PRMT8: variants seen among roughly 807,000 people sequenced by gnomAD.
The protein encoded by PRMT8 is protein arginine methyltransferase 8, also known as protein arginine N-methyltransferase 8.
PRMT8 carries 7 observed loss-of-function variants against 47.1 expected under a neutral mutation model. The observed-to-expected ratio is 0.15, with a 90% CI of 0.08 to 0.28. The LOEUF is 0.28. Among genes scored for constraint, PRMT8 ranks in the 10% least tolerant of loss-of-function variants. The pLI, the probability that PRMT8 is intolerant of heterozygous loss-of-function variation, is 1.00. For missense variants in PRMT8, 237 were observed against 505.4 expected (o/e 0.47, Z 5.09); for synonymous variants, 188 against 186.5 (o/e 1.01, Z -0.07).
chr12:3,583,335 A>G lies in PRMT8; in HGVS notation c.979+127A>G. 9.6e-7 allele frequency: 1 copy of G among 1,044,464 alleles called. No individual in the cohort carries two copies. Among genetic ancestry groups the G allele is most frequent in the East Asian group, 2.6e-5 (1 of 37,870 alleles). The allele number at this position is 1,044,464 out of a possible 1,614,324, so 64.7% of individuals were successfully genotyped here. A position where few individuals can be genotyped will look rare whatever the true frequency, so the allele number is the denominator to read the frequency against. ...GGTGTTAGCTGGGTGACACCTATCA[A>G]CCCTCTCCAGCCATGGAGGAACCAT... On this transcript the variant is annotated intron_variant, in intron 8 of 9. Coordinates refer to ENST00000382622, the MANE Select transcript of PRMT8 (RefSeq NM_019854.5). This position sits in a 1 kb window ranked among gnomAD's most constrained non-coding sequence, Gnocchi z 4.7.
intron 1 of PRMT8, among the ~76,000 whole-genome samples, chr12:3,442,126 A>T (rs2137074610): frequency 6.6e-6 from 1 of 152,354 alleles, no homozygotes; most frequent in South Asian, 2.1e-4. Context: ...GTGAAAACGG[A>T]TTGGGCAACT....
In PRMT8 at chr12:3,583,035, A is replaced by G; in HGVS notation, c.829-23A>G. Reference sequence around the variant, plus strand: ...TTGGTGGAGGCGATAAGTTCCCGGCATTCTCTCTTCTCTGGGCTGCAGGAG... The same window carrying G: ...TTGGTGGAGGCGATAAGTTCCCGGCGTTCTCTCTTCTCTGGGCTGCAGGAG... On this transcript the variant is annotated intron_variant, in intron 7 of 9. Coordinates refer to ENST00000382622, the MANE Select transcript of PRMT8 (RefSeq NM_019854.5). The surrounding 1 kb of genome is among the most constrained non-coding windows in gnomAD (Gnocchi z 4.7). 1 of 1,607,118 alleles carries G rather than the reference A, an allele frequency of 6.2e-7. No homozygotes were observed. The highest frequency in any genetic ancestry group is 8.5e-7 in the Non-Finnish European group (1 of 1,176,056).
At chr12:3,461,536 A>C (rs1485098704) in intron 1 of PRMT8, among the ~76,000 whole-genome samples, 1 of 152,196 alleles carries the variant, frequency 6.6e-6, no homozygotes, top group Non-Finnish European at 1.5e-5. Flanking sequence ...GCCACTTGCC[A>C]CTTGTCTGCC....
At position 3,557,478 on chromosome 12, in the gene PRMT8, T is replaced by C. The variant is rs1369333752; in HGVS notation, c.481+3764T>C. ...CGATCCTGAGGCCCAAGTAGGGGGA[T>C]GCTGCTCAGACCCCTTGGCCTCTGG... On this transcript the variant is annotated intron_variant, in intron 4 of 9. Transcript: ENST00000382622. The surrounding 1 kb of genome is among the most constrained non-coding windows in gnomAD (Gnocchi z 4.7). 6.6e-6 allele frequency among the ~76,000 whole-genome samples: 1 copy of C among 152,178 alleles called. No homozygotes were observed. Among genetic ancestry groups the C allele is most frequent in the East Asian group, 1.9e-4 (1 of 5,184 alleles).
At chr12:3,497,970 C>A (rs748627204) in intron 1 of PRMT8, among the ~76,000 whole-genome samples, 29 of 152,146 alleles carry the variant, frequency 1.9e-4, no homozygotes, top group Non-Finnish European at 4.0e-4. Context: ...CTCTTTATAC[C>A]TCCTTTAAAC....
intron 1 of PRMT8, among the ~76,000 whole-genome samples, chr12:3,524,184 T>C (rs1175706501): frequency 6.6e-6 from 1 of 152,196 alleles, no homozygotes; most frequent in Non-Finnish European, 1.5e-5. Flanking sequence ...ACATTTATGG[T>C]AACTCAATAG....
intron 1 of PRMT8, among the ~76,000 whole-genome samples, chr12:3,404,439 G>T (rs533924840): frequency 6.6e-6 from 1 of 151,970 alleles, no homozygotes; most frequent in Admixed American, 6.6e-5. Flanking sequence ...ATGAGTTATC[G>T]CTAAGTGAAC....
chr12:3,418,458 A>G (rs1002471308), intron 1 of PRMT8, among the ~76,000 whole-genome samples: 3 of 152,144 alleles, frequency 2.0e-5, no homozygotes, highest in African/African-American at 7.2e-5. Flanking sequence ...TCTGCTCCAC[A>G]TGGGTGACAG....
At chr12:3,383,676 G>C (rs2137041920) in intron 1 of PRMT8, among the ~76,000 whole-genome samples, 1 of 152,332 alleles carries the variant, frequency 6.6e-6, no homozygotes, top group Non-Finnish European at 1.5e-5. Context: ...GAACTTCCCA[G>C]TCTCCAGAAC....
In PRMT8 at chr12:3,533,687, G is replaced by GAC. The variant is rs556597679; in HGVS notation, c.76-6917_76-6916dup. On this transcript the variant is annotated intron_variant, in intron 1 of 9. Coordinates refer to ENST00000382622, the MANE Select transcript of PRMT8 (RefSeq NM_019854.5). The stretch of plus-strand genomic sequence containing the variant: ...CTTCATCTGCCAGCCCCGATGATAA[G>GAC]ACAGGGGTGCAGGAGAGTAGAGAGA... Among the ~76,000 whole-genome samples, 142 of 152,338 alleles carry GAC rather than the reference G, an allele frequency of 9.3e-4. 2 individuals are homozygous for GAC. Among genetic ancestry groups the GAC allele is most frequent in the African/African-American group, 2.8e-3 (115 of 41,582 alleles).
At chr12:3,481,394 C>T (rs536710973) in intron 1 of PRMT8, among the ~76,000 whole-genome samples, 100 of 152,288 alleles carry the variant, frequency 6.6e-4, no homozygotes, top group African/African-American at 2.3e-3. Flanking sequence ...TGCACTCCAC[C>T]CTGACACTGG....
In PRMT8 at chr12:3,419,517, C is replaced by T. The variant is rs1035035396; in HGVS notation, c.48+38075C>T. Among the ~76,000 whole-genome samples the T allele has an allele frequency of 3.4e-4, 52 of 152,164 alleles. 1 individual carries two copies. Among genetic ancestry groups the T allele is most frequent in the East Asian group, 1.9e-4 (1 of 5,184 alleles). ...ACTGCTGAGCTCCCAGCTTCCCAAG[C>T]GGCTTGACTTCTCCCCTTTGCCCCC... On this transcript the variant is annotated intron_variant, in intron 1 of 9. Coordinates refer to the PRMT8 transcript ENST00000452611.
In PRMT8 at chr12:3,535,433, T is replaced by G. The variant is rs11062710; in HGVS notation, c.76-5173T>G. 0.078 allele frequency among the ~76,000 whole-genome samples: 11,851 copies of G among 152,146 alleles called. 629 individuals carry two copies. Among genetic ancestry groups the G allele is most frequent in the Non-Finnish European group, 0.12 (7,956 of 67,996 alleles). On this transcript the variant is annotated intron_variant, in intron 1 of 9. Coordinates refer to ENST00000382622, the MANE Select transcript of PRMT8 (RefSeq NM_019854.5). This position sits in a 1 kb window ranked among gnomAD's most constrained non-coding sequence, Gnocchi z 4.7. ...GTGAGTCGAAGGCAAATCACAAGTATTGACAGTGGAGGGTGATTCTCACCA... is the reference window on the plus strand; with the variant it reads ...GTGAGTCGAAGGCAAATCACAAGTAGTGACAGTGGAGGGTGATTCTCACCA...
At chr12:3,458,398 G>A (rs759100114) in intron 1 of PRMT8, among the ~76,000 whole-genome samples, 2 of 152,144 alleles carry the variant, frequency 1.3e-5, no homozygotes, top group Non-Finnish European at 2.9e-5. Context: ...TGGGCCCCAG[G>A]GCTCCTCACT....
Position 3,540,896 on chromosome 12 carries a change from G to A in PRMT8, c.261+105G>A, listed in dbSNP as rs780363976. 4 of 1,294,824 alleles carry A rather than the reference G, an allele frequency of 3.1e-6. No individual in the cohort carries two copies. The African/African-American group carries it at 4.4e-5, about 14-fold the overall frequency. The allele number at this position is 1,294,824 out of a possible 1,614,324, so 80.2% of individuals were successfully genotyped here. On this transcript the variant is annotated intron_variant, in intron 2 of 9. Coordinates refer to ENST00000382622, the MANE Select transcript of PRMT8 (RefSeq NM_019854.5). ...TCAACTCCTTACCATGGTAAAGGGA[G>A]TGCTCCCAGTGTTCCTGAGTCCTCT...
At chr12:3,584,015 G>A (rs1022101811) in intron 8 of PRMT8, among the ~76,000 whole-genome samples, 1 of 152,220 alleles carries the variant, frequency 6.6e-6, no homozygotes, top group Non-Finnish European at 1.5e-5. Context: ...CTTAGTCAGA[G>A]GCTCTCATCA....
intron 6 of PRMT8, among the ~76,000 whole-genome samples, chr12:3,575,341 T>G (rs1387693725): frequency 6.6e-6 from 1 of 152,254 alleles, no homozygotes; most frequent in Non-Finnish European, 1.5e-5. Flanking sequence ...AAATAAAATT[T>G]AATCCTGTAA....
At chr12:3,577,285 G>C (rs2137219653) in intron 7 of PRMT8, among the ~76,000 whole-genome samples, 1 of 152,354 alleles carries the variant, frequency 6.6e-6, no homozygotes, top group South Asian at 2.1e-4. Context: ...AGGACACCTG[G>C]AAGAGGAGAG....
chr12:3,483,869 G>C (rs1250724363), intron 1 of PRMT8, among the ~76,000 whole-genome samples: 1 of 152,176 alleles, frequency 6.6e-6, no homozygotes, highest in Non-Finnish European at 1.5e-5. Context: ...CAGCCCAGTA[G>C]CCTGTATTGC....
Sources: allele counts gnomAD v4.1 joint callset (sites outside exome capture counted in the v4.1 genomes callset), GRCh38; gene constraint gnomAD v4.1.1; non-coding constraint Gnocchi (gnomAD v3.1); transcripts MANE v1.5; gene names NCBI Gene and HGNC (gene_info 2026-07-23, HGNC 2026-07-21).